Variants in EPHA6 observed in about 807,000 individuals in gnomAD.
EPHA6 encodes ephrin type-A receptor 6.
A neutral mutation model predicts 112.0 loss-of-function variants in EPHA6; 50 were observed. The ratio of observed to expected loss-of-function variants is 0.45; its 90% CI spans 0.36 to 0.56. The LOEUF (loss-of-function observed/expected upper bound fraction) is 0.56, where lower values mean the gene tolerates loss of function less well. EPHA6 is among the 20% of genes least tolerant of loss of function. The pLI is 0.00. For missense variants in EPHA6, 1,280 were observed against 1,417.4 expected (o/e 0.90, Z 1.56); for synonymous variants, 529 against 490.7 (o/e 1.08, Z -1.03).
intron 6 of EPHA6, among the ~76,000 whole-genome samples, chr3:97,419,179 T>G (rs952713377): frequency 3.3e-5 from 5 of 152,086 alleles, no homozygotes; most frequent in Admixed American, 2.6e-4. Context: ...GGCATGTACC[T>G]GTAATCCCAG....
chr3:97,484,152 G>C lies in EPHA6; in HGVS notation c.2200+93G>C, dbSNP rs1418347001. The C allele has an allele frequency of 2.5e-5, 32 of 1,271,718 alleles. No homozygotes were observed. In the East Asian group the frequency reaches 8.7e-4, roughly 34 times the overall value. The allele number at this position is 1,271,718 out of a possible 1,614,324, so 78.8% of individuals were successfully genotyped here. Reference sequence around the variant, plus strand: ...ACTATCTTAAATCTTGGCAGTTTTGGTCATTGAAAAGTTTTAACAAGTGAG... The same window carrying C: ...ACTATCTTAAATCTTGGCAGTTTTGCTCATTGAAAAGTTTTAACAAGTGAG... On this transcript the variant is annotated intron_variant, in intron 10 of 17. Coordinates refer to ENST00000389672, the MANE Select transcript of EPHA6 (RefSeq NM_001080448.3).
At chr3:96,868,724 A>G (rs571459558) in intron 2 of EPHA6, among the ~76,000 whole-genome samples, 132 of 152,118 alleles carry the variant, frequency 8.7e-4, no homozygotes, top group Non-Finnish European at 1.3e-3. Flanking sequence ...GGTATTATAA[A>G]TAATGTATTT....
At chr3:97,658,890 A>C (rs948408795) in intron 14 of EPHA6, among the ~76,000 whole-genome samples, 4 of 151,866 alleles carry the variant, frequency 2.6e-5, no homozygotes, top group Admixed American at 2.6e-4. Context: ...AATGAATGGA[A>C]CCCAGGACAT....
At chr3:97,341,008 G>A (rs959304558) in intron 5 of EPHA6, among the ~76,000 whole-genome samples, 1 of 152,166 alleles carries the variant, frequency 6.6e-6, no homozygotes, top group Non-Finnish European at 1.5e-5. Flanking sequence ...TTTCCCAGAA[G>A]TCTCAATCCA....
intron 2 of EPHA6, among the ~76,000 whole-genome samples, chr3:96,947,373 G>C (rs2041321722): frequency 6.6e-6 from 1 of 152,056 alleles, no homozygotes; most frequent in Non-Finnish European, 1.5e-5. Flanking sequence ...CATAAGGAAG[G>C]GATCCAGTTT....
chr3:97,261,799 A>T (rs1014083953), intron 5 of EPHA6, among the ~76,000 whole-genome samples: 1 of 152,192 alleles, frequency 6.6e-6, no homozygotes, highest in African/African-American at 2.4e-5. Context: ...CATTAAACAA[A>T]CCAACCCAAT....
intron 3 of EPHA6, among the ~76,000 whole-genome samples, chr3:97,004,146 G>A (rs766120105): frequency 3.2e-4 from 48 of 151,942 alleles, no homozygotes; most frequent in Admixed American, 7.2e-4. Flanking sequence ...TCATATTCCC[G>A]TGGTTATATA....
chr3:97,307,525 T>C (rs2081369252), intron 5 of EPHA6, among the ~76,000 whole-genome samples: 1 of 151,796 alleles, frequency 6.6e-6, no homozygotes, highest in South Asian at 2.1e-4. Context: ...AGCTGTCATA[T>C]GAGCTCTGAC....
intron 12 of EPHA6, among the ~76,000 whole-genome samples, chr3:97,603,616 A>G (rs2093659048): frequency 6.6e-6 from 1 of 151,978 alleles, no homozygotes. Flanking sequence ...TAGATTAACC[A>G]TAAAACATGT....
At chr3:97,618,768 A>G (rs2093787750) in intron 13 of EPHA6, among the ~76,000 whole-genome samples, 1 of 151,952 alleles carries the variant, frequency 6.6e-6, no homozygotes, top group South Asian at 2.1e-4. Context: ...AGGAAATAAT[A>G]AATAGCTTTC....
intron 3 of EPHA6, among the ~76,000 whole-genome samples, chr3:97,030,568 A>G (rs1460586415): frequency 6.6e-6 from 1 of 152,046 alleles, no homozygotes; most frequent in Non-Finnish European, 1.5e-5. Context: ...CCCCTTCCAG[A>G]ATATCTAGCA....
At chr3:97,053,658 G>C (rs2045758008) in intron 3 of EPHA6, among the ~76,000 whole-genome samples, 1 of 151,996 alleles carries the variant, frequency 6.6e-6, no homozygotes, top group Admixed American at 6.6e-5. Context: ...TATACAACTT[G>C]CATTTGTAAG....
chr3:97,643,908 G>A (rs2094033156), intron 14 of EPHA6, among the ~76,000 whole-genome samples: 1 of 150,624 alleles, frequency 6.6e-6, no homozygotes, highest in Admixed American at 6.6e-5. Flanking sequence ...GGATACCCAG[G>A]AATTGAACTC....
chr3:97,296,596 G>C (rs991603680), intron 5 of EPHA6, among the ~76,000 whole-genome samples: 1 of 152,174 alleles, frequency 6.6e-6, no homozygotes, highest in East Asian at 1.9e-4. Flanking sequence ...CTCAGGCTCT[G>C]GGGAGTGCAC....
intron 14 of EPHA6, among the ~76,000 whole-genome samples, chr3:97,713,848 T>C (rs558261195): frequency 1.3e-5 from 2 of 152,324 alleles, no homozygotes; most frequent in East Asian, 1.9e-4. Flanking sequence ...CCATAAATGA[T>C]ATTATATGAT....
chr3:97,096,251 A>G (rs1559725576), intron 3 of EPHA6, among the ~76,000 whole-genome samples: 1 of 146,228 alleles, frequency 6.8e-6, no homozygotes, highest in Non-Finnish European at 1.5e-5. Context: ...ATATACACAC[A>G]CACACATACA....
chr3:97,487,227 A>T (rs2091719130), intron 10 of EPHA6, among the ~76,000 whole-genome samples: 1 of 152,242 alleles, frequency 6.6e-6, no homozygotes, highest in South Asian at 2.1e-4. Context: ...TCTCTTATAG[A>T]TGCAAGACAT....
In EPHA6 at chr3:97,624,619, G is replaced by A. The variant is rs144042864; in HGVS notation, c.2575-13254G>A. On this transcript the variant is annotated intron_variant, in intron 13 of 17. Transcript: ENST00000389672. ...ATTTTTCAGGATGAAGTTTGAGGAG[G>A]ATTTGTGTTCATTCTTTAAATGTTT... Among the ~76,000 whole-genome samples, 334 of 151,604 alleles carry A rather than the reference G, an allele frequency of 2.2e-3. 2 individuals carry two copies. The highest frequency in any genetic ancestry group is 7.8e-3 in the African/African-American group (324 of 41,466).
At chr3:97,289,058 T>G (rs2108681655) in intron 5 of EPHA6, among the ~76,000 whole-genome samples, 1 of 152,110 alleles carries the variant, frequency 6.6e-6, no homozygotes, top group East Asian at 1.9e-4. Context: ...TGACAGTTAC[T>G]TTTGCTCTGC....
Sources: allele counts gnomAD v4.1 joint callset (sites outside exome capture counted in the v4.1 genomes callset), GRCh38; gene constraint gnomAD v4.1.1; transcripts MANE v1.5; gene names NCBI Gene and HGNC (gene_info 2026-07-23, HGNC 2026-07-21).